TNFAIP8: variants seen among roughly 807,000 people sequenced by gnomAD.
TNFAIP8 encodes the protein tumor necrosis factor alpha-induced protein 8.
Under a neutral mutation model 13.3 loss-of-function variants are expected in TNFAIP8, and 7 were observed. The observed-to-expected ratio is 0.52, with a 90% CI of 0.30 to 0.99. The LOEUF (loss-of-function observed/expected upper bound fraction) is 0.99, where lower values mean the gene tolerates loss of function less well. Ranked by LOEUF, TNFAIP8 falls within the 50% of genes least tolerant of loss-of-function variation. The pLI, the probability that TNFAIP8 is intolerant of heterozygous loss-of-function variation, is 0.07. For synonymous variants in TNFAIP8, 94 were observed against 87.6 expected, an observed-to-expected ratio of 1.07 and a Z score of -0.41; for missense variants, 258 against 236.9, an observed-to-expected ratio of 1.09 and a Z score of -0.58.
intron 1 of TNFAIP8, among the ~76,000 whole-genome samples, chr5:119,372,505 G>A (rs568837568): frequency 6.6e-6 from 1 of 152,076 alleles, no homozygotes; most frequent in Admixed American, 6.5e-5. Flanking sequence ...CGTAAACCTT[G>A]CTAATCATTT....
chr5:119,340,906 A>G (rs1020944386), intron 1 of TNFAIP8, among the ~76,000 whole-genome samples: 1 of 152,230 alleles, frequency 6.6e-6, no homozygotes, highest in Non-Finnish European at 1.5e-5. Context: ...CCGAACCAGA[A>G]TTGGATGTTG....
intron 1 of TNFAIP8, 46 bp from the exon 2 acceptor site, chr5:119,392,770 A>C: frequency 6.8e-7 from 1 of 1,481,372 alleles, no homozygotes; most frequent in Non-Finnish European, 8.9e-7. Flanking sequence ...TCACTTGCTG[A>C]TATTTACTAA....
At chr5:119,384,915 G>T (rs1026845038) in intron 1 of TNFAIP8, among the ~76,000 whole-genome samples, 13 of 152,122 alleles carry the variant, frequency 8.5e-5, no homozygotes, top group Non-Finnish European at 1.5e-4. Context: ...CTCAGGAAAT[G>T]ACATTTTCAA....
intron 1 of TNFAIP8, among the ~76,000 whole-genome samples, chr5:119,296,538 T>C (rs925445906): frequency 2.0e-5 from 3 of 152,216 alleles, no homozygotes; most frequent in African/African-American, 7.2e-5. Context: ...CAGTATTTTA[T>C]TGAGGATTTT....
intron 1 of TNFAIP8, among the ~76,000 whole-genome samples, chr5:119,380,102 C>A (rs1004098792): frequency 1.3e-5 from 2 of 152,236 alleles, no homozygotes; most frequent in African/African-American, 2.4e-5. Flanking sequence ...TGTTTATGCA[C>A]CCTTAGATAA....
chr5:119,360,141 C>T (rs996934), intron 1 of TNFAIP8, among the ~76,000 whole-genome samples: 57,927 of 151,996 alleles, frequency 0.38, 11,473 homozygotes, highest in South Asian at 0.52. Flanking sequence ...CCCCACCTTA[C>T]GCCATTGAAC....
At chr5:119,333,563 G>T in intron 1 of TNFAIP8, 1 of 1,535,466 alleles carries the variant, frequency 6.5e-7, no homozygotes, top group Non-Finnish European at 8.7e-7. Context: ...CCTCAAGTCT[G>T]TATGACTCTA....
Position 119,393,525 on chromosome 5 carries a change from T to A in TNFAIP8, c.*144T>A. 1.1e-6 allele frequency: 1 copy of A among 888,576 alleles called. No individual in the cohort carries two copies. The highest frequency in any genetic ancestry group is 1.7e-6 in the Non-Finnish European group (1 of 600,958). 55.0% of individuals were successfully genotyped at this position (888,576 alleles called of 1,614,324 possible). On this transcript the variant is annotated 3_prime_UTR_variant, in exon 2 of 2. Transcript: ENST00000504771. The stretch of plus-strand genomic sequence containing the variant: ...AATTCAGTTGTCAGACATAATGATT[T>A]ATTTGAAGGCTTGTTTTATTTGAAG...
At chr5:119,368,139 T>A (rs1371397286) in intron 1 of TNFAIP8, among the ~76,000 whole-genome samples, 1 of 152,176 alleles carries the variant, frequency 6.6e-6, no homozygotes, top group Non-Finnish European at 1.5e-5. Context: ...CTTGAATCTG[T>A]GGTCCACTTG....
At chr5:119,366,243 C>T (rs1472334543) in intron 1 of TNFAIP8, among the ~76,000 whole-genome samples, 2 of 152,000 alleles carry the variant, frequency 1.3e-5, no homozygotes, top group South Asian at 2.1e-4. Context: ...GTTTTGGCAG[C>T]TTGCTTATTT....
chr5:119,304,099 C>CT (rs1269807044), intron 1 of TNFAIP8, among the ~76,000 whole-genome samples: 3 of 151,964 alleles, frequency 2.0e-5, no homozygotes, highest in African/African-American at 4.8e-5. Context: ...TTCTTTTTTC[C>CT]TTTTTTTCAA....
chr5:119,341,767 C>T (rs1447331653), intron 1 of TNFAIP8, among the ~76,000 whole-genome samples: 1 of 152,082 alleles, frequency 6.6e-6, no homozygotes, highest in Non-Finnish European at 1.5e-5. Context: ...ATGGAAATCT[C>T]AATCAAAACA....
chr5:119,351,404 C>CTT (rs60338100), upstream of TNFAIP8, among the ~76,000 whole-genome samples: 3 of 151,718 alleles, frequency 2.0e-5, no homozygotes, highest in South Asian at 2.1e-4. Flanking sequence ...AACCATTCTG[C>CTT]TTTTTTTGCT....
chr5:119,284,553 C>T (rs991666289), intron 1 of TNFAIP8, among the ~76,000 whole-genome samples: 13 of 151,958 alleles, frequency 8.6e-5, no homozygotes, highest in African/African-American at 3.1e-4. Context: ...TGGTGGTGCA[C>T]GCCTGTAGTC....
chr5:119,352,316 C>T (rs1161077448), upstream of TNFAIP8, among the ~76,000 whole-genome samples: 5 of 152,008 alleles, frequency 3.3e-5, no homozygotes, highest in East Asian at 1.9e-4. Context: ...ATATAGATCA[C>T]GGAAGCCTTC....
At chr5:119,368,190 T>G (rs1751936163) in intron 1 of TNFAIP8, among the ~76,000 whole-genome samples, 1 of 152,208 alleles carries the variant, frequency 6.6e-6, no homozygotes, top group African/African-American at 2.4e-5. Flanking sequence ...CCCATCAGTC[T>G]TGTAGTTCTT....
intron 1 of TNFAIP8, among the ~76,000 whole-genome samples, chr5:119,350,734 G>C (rs1001867467): frequency 2.0e-5 from 3 of 152,168 alleles, no homozygotes; most frequent in Non-Finnish European, 2.9e-5. Context: ...TGAATGTGTA[G>C]AATTTATGGG....
chr5:119,348,647 G>A lies in TNFAIP8; in HGVS notation c.2-44169G>A, dbSNP rs184476598. Among the ~76,000 whole-genome samples, 330 of 152,234 alleles carry A rather than the reference G, an allele frequency of 2.2e-3. 2 individuals are homozygous for A. Among genetic ancestry groups the A allele is most frequent in the South Asian group, 0.017 (80 of 4,822 alleles). ...TGTAATCCCAGCACTTTGGGAGGCTGAGGTGGGTGGATCACCTGAGGTCAG... is the reference window on the plus strand; with the variant it reads ...TGTAATCCCAGCACTTTGGGAGGCTAAGGTGGGTGGATCACCTGAGGTCAG... On this transcript the variant is annotated intron_variant, in intron 1 of 1. Transcript: ENST00000274456.
chr5:119,272,813 G>A (rs757865360), intron 1 of TNFAIP8, among the ~76,000 whole-genome samples: 4 of 152,162 alleles, frequency 2.6e-5, no homozygotes, highest in Non-Finnish European at 5.9e-5. Flanking sequence ...TCCTAGGCTT[G>A]CCCTTTTCCG....
Sources: gnomAD v4.1 joint callset for allele counts (sites outside exome capture counted in the v4.1 genomes callset) on GRCh38, gnomAD v4.1.1 for gene constraint, MANE v1.5 for transcripts, NCBI Gene and HGNC (gene_info 2026-07-23, HGNC 2026-07-21) for gene names.